Variants in CDH10 observed in about 807,000 individuals in gnomAD.
The protein encoded by CDH10 is cadherin-10.
A neutral mutation model predicts 73.1 loss-of-function variants in CDH10; 30 were observed. The ratio of observed to expected loss-of-function variants is 0.41; its 90% CI spans 0.31 to 0.56. The LOEUF (loss-of-function observed/expected upper bound fraction) is 0.56, where lower values mean the gene tolerates loss of function less well. CDH10 is among the 20% of genes least tolerant of loss of function. CDH10 has a pLI of 0.27. For missense variants in CDH10, 815 were observed against 973.7 expected (o/e 0.84, Z 2.17); for synonymous variants, 345 against 348.2 (o/e 0.99, Z 0.10).
At chr5:24,643,234 A>G (rs1004277336) in intron 1 of CDH10, among the ~76,000 whole-genome samples, 23 of 152,142 alleles carry the variant, frequency 1.5e-4, no homozygotes, top group Admixed American at 1.2e-3. Context: ...TGTTTCTAGG[A>G]CATAACCTCT....
At chr5:24,592,464 A>G (rs1746231724) in intron 2 of CDH10, among the ~76,000 whole-genome samples, 1 of 151,834 alleles carries the variant, frequency 6.6e-6, no homozygotes, top group African/African-American at 2.4e-5. Flanking sequence ...GTAAGCTCTC[A>G]AGTCAACTAA....
At chr5:24,622,812 T>A (rs893184294) in intron 1 of CDH10, among the ~76,000 whole-genome samples, 2 of 152,218 alleles carry the variant, frequency 1.3e-5, no homozygotes, top group Non-Finnish European at 2.9e-5. Flanking sequence ...AATGTCAGGT[T>A]TATATTTTAC....
chr5:24,630,339 G>C (rs964936167), intron 1 of CDH10, among the ~76,000 whole-genome samples: 1 of 151,904 alleles, frequency 6.6e-6, no homozygotes, highest in African/African-American at 2.4e-5. Context: ...ATCACTTGAC[G>C]TCAGGAGTTT....
chr5:24,512,244 A>G (rs938413694), intron 5 of CDH10, among the ~76,000 whole-genome samples: 7 of 152,126 alleles, frequency 4.6e-5, no homozygotes, highest in Admixed American at 1.3e-4. Flanking sequence ...AGCTCAAGCT[A>G]TCTTCCCATC....
chr5:24,636,707 T>G (rs1747879391), intron 1 of CDH10, among the ~76,000 whole-genome samples: 1 of 151,830 alleles, frequency 6.6e-6, no homozygotes, highest in Non-Finnish European at 1.5e-5. Context: ...AAATTAGCAA[T>G]AGAAATTTGG....
intron 8 of CDH10, among the ~76,000 whole-genome samples, chr5:24,503,321 AC>A (rs1488791683): frequency 6.6e-6 from 1 of 152,206 alleles, no homozygotes; most frequent in African/African-American, 2.4e-5. Context: ...TTATTTTAAA[AC>A]AGGTCAAGAG....
At chr5:24,605,214 C>G (rs1746716939) in intron 1 of CDH10, among the ~76,000 whole-genome samples, 1 of 152,160 alleles carries the variant, frequency 6.6e-6, no homozygotes, top group East Asian at 1.9e-4. Flanking sequence ...AAGACATTAC[C>G]AAGTGTTGGA....
chr5:24,509,432 G>A (rs1458567254), intron 7 of CDH10, 134 bp downstream of exon 7: 4 of 667,092 alleles, frequency 6.0e-6, no homozygotes, highest in Admixed American at 3.0e-5. Context: ...GTAGAGACAG[G>A]GTTTCACCAT....
intron 1 of CDH10, among the ~76,000 whole-genome samples, chr5:24,642,277 T>C (rs1561211599): frequency 6.6e-6 from 1 of 152,104 alleles, no homozygotes; most frequent in Non-Finnish European, 1.5e-5. Flanking sequence ...TATCACTTAC[T>C]GCAAAGTAGG....
chr5:24,511,545 C>CAGAGAGAGAGAGAGAG lies in CDH10; in HGVS notation c.815-47_815-32dup, dbSNP rs55901211. The CAGAGAGAGAGAGAGAG allele has an allele frequency of 1.1e-4, 61 of 576,426 alleles. 1 individual carries two copies. The highest frequency in any genetic ancestry group is 3.4e-4 in the African/African-American group (16 of 46,440). 35.7% of individuals were successfully genotyped at this position (576,426 alleles called of 1,614,324 possible). A position where few individuals can be genotyped will look rare whatever the true frequency, so the allele number is the denominator to read the frequency against. ...AAGTATAAAGAAAAGAAGAGAGAGA[C>CAGAGAGAGAGAGAGAG]AGAGAGAGAGAGAGAGAGAGAGAGA... is the stretch of plus-strand genomic sequence containing the variant. On this transcript the variant is annotated intron_variant, in intron 5 of 11. Coordinates refer to ENST00000264463, the MANE Select transcript of CDH10 (RefSeq NM_006727.5).
In CDH10 at chr5:24,498,345, T is replaced by C. The variant is rs1341296985; in HGVS notation, c.1515+53A>G. On this transcript the variant is annotated intron_variant, in intron 9 of 11. Transcript: ENST00000264463. ...TCCTCTCAGGATTTTGAAAAGAAAA[T>C]ATTTTGCATACAGTTAAAATCTTTC... The C allele has an allele frequency of 2.4e-6, 3 of 1,266,336 alleles. No individual in the cohort carries two copies. In the Admixed American group the frequency reaches 6.4e-5, roughly 27 times the overall value. The allele number at this position is 1,266,336 out of a possible 1,614,324, so 78.4% of individuals were successfully genotyped here. A position where few individuals can be genotyped will look rare whatever the true frequency, so the allele number is the denominator to read the frequency against.
intron 5 of CDH10, among the ~76,000 whole-genome samples, chr5:24,523,629 T>G (rs1018982639): frequency 4.6e-5 from 7 of 152,150 alleles, no homozygotes; most frequent in African/African-American, 1.2e-4. Flanking sequence ...TTGATTTGTA[T>G]TCTTAGGCAC....
chr5:24,488,321 GAAGGGTTTAGC>G (rs1741921527), intron 11 of CDH10, among the ~76,000 whole-genome samples, 168 bp from the exon 12 acceptor site: 2 of 152,148 alleles, frequency 1.3e-5, no homozygotes, highest in Admixed American at 1.3e-4. Flanking sequence ...GGGAGACGCT[GAAGGGTTTAGC>G]AAGGGTGGGT....
chr5:24,638,968 G>A (rs1436298751), intron 1 of CDH10, among the ~76,000 whole-genome samples: 2 of 151,498 alleles, frequency 1.3e-5, no homozygotes, highest in Non-Finnish European at 3.0e-5. Context: ...AACCACTTGA[G>A]TTAGAGGTAT....
chr5:24,584,445 C>CTTTT (rs34192671), intron 2 of CDH10, among the ~76,000 whole-genome samples: 417 of 28,024 alleles, frequency 0.015, 5 homozygotes, highest in African/African-American at 0.02. Flanking sequence ...CTTTCTTTTC[C>CTTTT]TTTTTTTTTT....
chr5:24,520,136 G>C (rs751752358), intron 5 of CDH10, among the ~76,000 whole-genome samples: 3 of 152,116 alleles, frequency 2.0e-5, no homozygotes, highest in Admixed American at 6.5e-5. Flanking sequence ...AAATTCTGCG[G>C]TACTGGAGGT....
At chr5:24,535,656 G>A (rs1225455212) in intron 4 of CDH10, 47 bp downstream of exon 4, 1 of 1,559,192 alleles carries the variant, frequency 6.4e-7, no homozygotes, top group Non-Finnish European at 8.8e-7. Context: ...ACTGATAAAG[G>A]TCATAAAGAT....
At chr5:24,625,354 T>C (rs994709947) in intron 1 of CDH10, among the ~76,000 whole-genome samples, 12 of 151,878 alleles carry the variant, frequency 7.9e-5, no homozygotes, top group Admixed American at 6.6e-4. Flanking sequence ...CTTAGTAATA[T>C]GAACTAAATA....
intron 5 of CDH10, 73 bp downstream of exon 5, chr5:24,535,038 CT>C (rs1743895141): frequency 2.2e-6 from 3 of 1,334,412 alleles, no homozygotes; most frequent in African/African-American, 1.5e-5. Context: ...TTTTTCTTTT[CT>C]TTTTCTTTCT....
Sources: allele counts gnomAD v4.1 joint callset (sites outside exome capture counted in the v4.1 genomes callset), GRCh38; gene constraint gnomAD v4.1.1; transcripts MANE v1.5; gene names NCBI Gene and HGNC (gene_info 2026-07-23, HGNC 2026-07-21).